The following OSR1 variants were observed in gnomAD, a reference collection of about 807,000 sequenced individuals.
OSR1 encodes protein odd-skipped-related 1.
OSR1 carries 3 observed loss-of-function variants against 15.7 expected under a neutral mutation model. The observed-to-expected ratio is 0.19, with a 90% CI of 0.09 to 0.50. The LOEUF is 0.50. OSR1 is among the 20% of genes least tolerant of loss of function. The pLI, the probability that OSR1 is intolerant of heterozygous loss-of-function variation, is 0.97. For synonymous variants in OSR1, 166 were observed against 152.7 expected (o/e 1.09, Z -0.64); for missense variants, 271 against 351.1 (o/e 0.77, Z 1.82).
downstream of OSR1, among the ~76,000 whole-genome samples, chr2:19,348,887 T>C (rs1332340335): frequency 6.6e-6 from 1 of 151,860 alleles, no homozygotes. Flanking sequence ...GAGGCTGTCC[T>C]AGGCCAGATA....
chr2:19,352,533 C>T, intron 2 of OSR1, 123 bp from the exon 3 acceptor site: 1 of 1,203,628 alleles, frequency 8.3e-7, no homozygotes, highest in South Asian at 1.4e-5. Flanking sequence ...AGTCAGGTAC[C>T]AAGTGTGGAT....
In OSR1 at chr2:19,352,287, C is replaced by A; in HGVS notation, c.789G>T (p.Lys263Asn). Residue 263 changes from lysine to asparagine, a missense_variant, in exon 3 of 3, where the codon AAG (lysine) becomes AAT (asparagine). Transcript: ENST00000272223. ...CCACAGGTTCTATTTAGCATTTGAT[C>A]TTGGAGGTTTTGAGCTCCTTCACCT... is the stretch of plus-strand genomic sequence containing the variant. ...HSQVKELKTS[K>N]IKC 1 of 1,614,206 alleles carries A rather than the reference C, an allele frequency of 6.2e-7. No homozygotes were observed. The highest frequency in any genetic ancestry group is 2.2e-5 in the East Asian group (1 of 44,884).
intron 2 of OSR1, 138 bp from the exon 3 acceptor site, chr2:19,352,548 C>A: frequency 9.5e-7 from 1 of 1,048,814 alleles, no homozygotes; most frequent in Admixed American, 2.2e-5. Flanking sequence ...GTGGATGGGA[C>A]AAAATGTTAA....
chr2:19,347,841 C>G (rs912669205), downstream of OSR1, among the ~76,000 whole-genome samples: 1 of 152,254 alleles, frequency 6.6e-6, no homozygotes, highest in Admixed American at 6.5e-5. Flanking sequence ...GGCTCCAGCC[C>G]GCATTAGCCA....
intron 1 of OSR1, chr2:19,356,273 C>A (rs1216188212): frequency 6.6e-6 from 1 of 152,412 alleles, no homozygotes; most frequent in East Asian, 1.9e-4. Flanking sequence ...GGAGTGCTTG[C>A]AGCTATAATG....
chr2:19,352,764 G>A (rs1442081227), intron 2 of OSR1, among the ~76,000 whole-genome samples: 1 of 152,206 alleles, frequency 6.6e-6, no homozygotes, highest in Non-Finnish European at 1.5e-5. Context: ...CCGCTAGCAT[G>A]TGTGCTTATT....
chr2:19,346,798 A>C (rs1664737252), downstream of OSR1: 1 of 152,202 alleles, frequency 6.6e-6, no homozygotes, highest in South Asian at 2.1e-4. Context: ...ACACAAATCC[A>C]CAAGGAAGCT....
Position 19,357,662 on chromosome 2 carries a change from C to G in OSR1, c.-33+679G>C, listed in dbSNP as rs1664978122. ...AATTGGAAAGCAGTGCTTGCGCCCA[C>G]TGCATTGCCTCCCTGCACCAGGACA... On this transcript the variant is annotated intron_variant, in intron 1 of 2. Coordinates refer to ENST00000272223, the MANE Select transcript of OSR1 (RefSeq NM_145260.3). This position sits in a 1 kb window ranked among gnomAD's most constrained non-coding sequence, Gnocchi z 5.0. 1 of 152,362 alleles carries G rather than the reference C, an allele frequency of 6.6e-6. No individual in the cohort carries two copies. The highest frequency in any genetic ancestry group is 2.4e-5 in the African/African-American group (1 of 41,456). The allele number at this position is 152,362 out of a possible 1,614,324, so 9.4% of individuals were successfully genotyped here.
the OSR1 span, among the ~76,000 whole-genome samples, chr2:19,345,621 C>T: frequency 6.6e-6 from 1 of 152,168 alleles, no homozygotes; most frequent in South Asian, 2.1e-4. Context: ...GATCCCTCTG[C>T]TAATAATAAC....
chr2:19,345,414 T>G, the OSR1 span, among the ~76,000 whole-genome samples: 1 of 152,194 alleles, frequency 6.6e-6, no homozygotes. Context: ...CTAGGTTTTC[T>G]TCTAGGGTTT....
In OSR1 at chr2:19,352,406, T is replaced by C. The variant is rs1664860079; in HGVS notation, c.670A>G (p.Ile224Val). ...TTGAAGGGCTTCTCTTTGGAGTGAA[T>C]ATATCTGAGGGCAGAAACAGAGAGT... Reference protein sequence around the residue: ...RQDHLRDHRYIHSKEKPFKCQ... With the variant: ...RQDHLRDHRYVHSKEKPFKCQ... Residue 224 changes from isoleucine (I) to valine (V), a missense_variant, in exon 3 of 3, where the codon ATT (isoleucine) becomes GTT (valine). Ile to Val is a conservative substitution (Grantham distance 29). Transcript: ENST00000272223. 6.2e-7 allele frequency: 1 copy of C among 1,613,996 alleles called. No individual in the cohort carries two copies. Among genetic ancestry groups the C allele is most frequent in the African/African-American group, 1.3e-5 (1 of 74,940 alleles).
intron 1 of OSR1, 70 bp from the exon 2 acceptor site, chr2:19,353,907 T>C (rs1664895812): frequency 1.5e-6 from 2 of 1,293,442 alleles, no homozygotes; most frequent in Non-Finnish European, 2.1e-6. Flanking sequence ...GCCTTCCTCC[T>C]GAATTCCAGC....
chr2:19,345,883 A>C, the OSR1 span, among the ~76,000 whole-genome samples: 2 of 152,352 alleles, frequency 1.3e-5, no homozygotes, highest in South Asian at 2.1e-4. Flanking sequence ...CAAATGCCCA[A>C]GCAAATTTCA....
At chr2:19,353,891 T>A in intron 1 of OSR1, 54 bp from the exon 2 acceptor site, 1 of 1,404,720 alleles carries the variant, frequency 7.1e-7, no homozygotes, top group Non-Finnish European at 9.5e-7. Context: ...AAGTTCAGGG[T>A]GGGTCGCCTT....
chr2:19,353,987 G>A (rs886694933), intron 1 of OSR1, 150 bp from the exon 2 acceptor site: 20 of 656,978 alleles, frequency 3.0e-5, no homozygotes, highest in Non-Finnish European at 4.6e-5. Context: ...AAAACCCACT[G>A]CCCTCACAAA....
At chr2:19,354,863 CT>C (rs1664918742) in intron 1 of OSR1, 1 of 152,226 alleles carries the variant, frequency 6.6e-6, no homozygotes, top group Admixed American at 6.5e-5. Flanking sequence ...GTGGGTATGC[CT>C]ATGGGCAAGA....
intron 2 of OSR1, 86 bp downstream of exon 2, chr2:19,353,055 T>G (rs1294507545): frequency 3.4e-6 from 5 of 1,477,768 alleles, no homozygotes; most frequent in Non-Finnish European, 4.6e-6. Context: ...TTGGAGCCAG[T>G]AGGGGGTCTC....
At chr2:19,349,922 G>T (rs1165450619), downstream of OSR1, among the ~76,000 whole-genome samples, 1 of 152,194 alleles carries the variant, frequency 6.6e-6, no homozygotes, top group Non-Finnish European at 1.5e-5. Context: ...CTATGGTCAG[G>T]CACAAACCAC....
the OSR1 span, among the ~76,000 whole-genome samples, chr2:19,345,019 A>G: frequency 6.6e-6 from 1 of 152,190 alleles, no homozygotes; most frequent in Non-Finnish European, 1.5e-5. Flanking sequence ...ACAGTCATAC[A>G]TGTATATGTG....
Sources: gnomAD v4.1 joint callset for allele counts (sites outside exome capture counted in the v4.1 genomes callset) on GRCh38, gnomAD v4.1.1 for gene constraint, Gnocchi (gnomAD v3.1) non-coding constraint, MANE v1.5 for transcripts, NCBI Gene and HGNC (gene_info 2026-07-23, HGNC 2026-07-21) for gene names.